SLC71A2: variants seen among roughly 807,000 people sequenced by gnomAD.
SLC71A2 encodes the protein solute carrier family 71 member 2.
chr9:94,400,436 G>A, the SLC71A2 span, among the ~76,000 whole-genome samples: 4 of 150,634 alleles, frequency 2.7e-5, no homozygotes, highest in African/African-American at 9.8e-5. Flanking sequence ...TCAAAGACCT[G>A]TACATATAAT....
At chr9:94,392,884 T>C in the SLC71A2 span, among the ~76,000 whole-genome samples, 3 of 151,592 alleles carry the variant, frequency 2.0e-5, no homozygotes, top group East Asian at 3.9e-4. Flanking sequence ...TTTTACTTTA[T>C]AGGAATGGTC....
At chr9:94,453,666 A>T in the SLC71A2 span, among the ~76,000 whole-genome samples, 1 of 152,198 alleles carries the variant, frequency 6.6e-6, no homozygotes, top group African/African-American at 2.4e-5. Flanking sequence ...CCTCTCAGTC[A>T]TGGTAACTGG....
chr9:94,400,685 A>G, the SLC71A2 span, among the ~76,000 whole-genome samples: 1 of 152,060 alleles, frequency 6.6e-6, no homozygotes, highest in Non-Finnish European at 1.5e-5. Flanking sequence ...CTTTTGCTAC[A>G]TTCTGCGTTC....
the SLC71A2 span, chr9:94,438,535 G>A: frequency 4.4e-6 from 7 of 1,603,344 alleles, no homozygotes; most frequent in African/African-American, 6.7e-5. Context: ...CATGGTGAGT[G>A]ACTTGGCCCT....
chr9:94,429,279 A>G, the SLC71A2 span: 4 of 1,566,532 alleles, frequency 2.6e-6, no homozygotes, highest in Non-Finnish European at 2.6e-6. Flanking sequence ...TGTGGTTTGT[A>G]ATGAACCAAA....
chr9:94,406,913 C>CA, the SLC71A2 span, among the ~76,000 whole-genome samples: 1 of 152,270 alleles, frequency 6.6e-6, no homozygotes, highest in Admixed American at 6.5e-5. Flanking sequence ...TGCCGTATTA[C>CA]TCTGGCTAGA....
the SLC71A2 span, among the ~76,000 whole-genome samples, chr9:94,404,039 C>T: frequency 3.9e-5 from 6 of 152,158 alleles, no homozygotes; most frequent in Admixed American, 3.9e-4. Context: ...CTCTTTTGCC[C>T]TTCCACCTTC....
At chr9:94,446,635 G>C in the SLC71A2 span, among the ~76,000 whole-genome samples, 3 of 151,654 alleles carry the variant, frequency 2.0e-5, no homozygotes, top group Admixed American at 2.0e-4. Flanking sequence ...TATATGATTT[G>C]AAATATATAC....
chr9:94,439,022 G>GTTTTTTTTTTTTTT, the SLC71A2 span, among the ~76,000 whole-genome samples: 32 of 115,698 alleles, frequency 2.8e-4, 5 homozygotes, highest in Non-Finnish European at 2.4e-4. Flanking sequence ...ATTTGAGTTC[G>GTTTTTTTTTTTTTT]TTTTTTTTTT....
chr9:94,441,108 A>G, the SLC71A2 span: 4 of 1,417,528 alleles, frequency 2.8e-6, no homozygotes, highest in Admixed American at 5.8e-5. Flanking sequence ...GGGTAAGATA[A>G]TAGACTATAT....
the SLC71A2 span, among the ~76,000 whole-genome samples, chr9:94,458,980 C>G: frequency 5.3e-5 from 8 of 152,130 alleles, no homozygotes; most frequent in African/African-American, 1.9e-4. Context: ...AATTAGTTGC[C>G]CTTTGTCATA....
the SLC71A2 span, among the ~76,000 whole-genome samples, chr9:94,417,279 T>G: frequency 6.6e-6 from 1 of 152,176 alleles, no homozygotes. Context: ...TACATTTCAT[T>G]ATGTTGGGTA....
the SLC71A2 span, among the ~76,000 whole-genome samples, chr9:94,419,526 C>G: frequency 1.3e-5 from 2 of 152,046 alleles, no homozygotes; most frequent in Non-Finnish European, 2.9e-5. Flanking sequence ...AGGATGGTCT[C>G]GATCTCCTGA....
the SLC71A2 span, among the ~76,000 whole-genome samples, chr9:94,449,462 A>C: frequency 2.5e-4 from 38 of 152,364 alleles, no homozygotes; most frequent in South Asian, 1.7e-3. Flanking sequence ...GAGAAGATCT[A>C]CAAAAGGCCA....
At chr9:94,449,349 A>C in the SLC71A2 span, among the ~76,000 whole-genome samples, 1 of 152,248 alleles carries the variant, frequency 6.6e-6, no homozygotes, top group Non-Finnish European at 1.5e-5. Flanking sequence ...ACTTGTATCC[A>C]GAATACATGT....
At chr9:94,407,415 G>T in the SLC71A2 span, among the ~76,000 whole-genome samples, 2 of 146,910 alleles carry the variant, frequency 1.4e-5, no homozygotes, top group East Asian at 4.0e-4. Context: ...GTCTTGCTCT[G>T]TCACCCAGGC....
At chr9:94,418,055 G>A in the SLC71A2 span, among the ~76,000 whole-genome samples, 2 of 152,040 alleles carry the variant, frequency 1.3e-5, no homozygotes, top group Non-Finnish European at 2.9e-5. Flanking sequence ...CGACGGGAGG[G>A]TTTCACCATG....
chr9:94,374,852 G>T, the SLC71A2 span: 1 of 936,920 alleles, frequency 1.1e-6, no homozygotes, highest in Non-Finnish European at 1.4e-6. Flanking sequence ...AGCTGGAGGA[G>T]AAGGCGGCGT....
At chr9:94,409,068 C>G in the SLC71A2 span, among the ~76,000 whole-genome samples, 4 of 149,030 alleles carry the variant, frequency 2.7e-5, no homozygotes. Flanking sequence ...CTCCTGACCT[C>G]GTGATCCGCC....
Sources: gnomAD v4.1 joint callset for allele counts (sites outside exome capture counted in the v4.1 genomes callset) on GRCh38, gnomAD v4.1.1 for gene constraint, MANE v1.5 for transcripts, NCBI Gene and HGNC (gene_info 2026-07-23, HGNC 2026-07-21) for gene names.